The following MLANA variants were observed in gnomAD, a reference collection of about 807,000 sequenced individuals.
MLANA encodes the protein melanoma antigen recognized by T-cells 1.
Under a neutral mutation model 15.7 loss-of-function variants are expected in MLANA, and 21 were observed. The observed-to-expected ratio is 1.33, with a 90% confidence interval of 0.95 to 1.92. The LOEUF is 1.92. Ranked by LOEUF, MLANA falls within the 40% of genes most tolerant of loss-of-function variation. The probability of loss-of-function intolerance (pLI) is 0.00; values close to 1 mark genes in which losing one functional copy is unlikely to be tolerated. For synonymous variants in MLANA, 56 were observed against 51.5 expected, an observed-to-expected ratio of 1.09 and a Z score of -0.37; for missense variants, 164 against 143.8, an observed-to-expected ratio of 1.14 and a Z score of -0.72.
Position 5,897,600 on chromosome 9 carries a change from C to T in MLANA, c.121C>T (p.Leu41=), listed in dbSNP as rs1202622378. Residue 41 remains leucine (L), a synonymous_variant, in exon 3 of 5, where the codon CTG becomes TTG. Coordinates refer to ENST00000381477, the MANE Select transcript of MLANA (RefSeq NM_005511.2). ...GILTVILGVL[L]LIGCWYCRRR... is the part of the protein sequence containing the mutation. ...CCTGACAGTGATCCTGGGAGTCTTA[C>T]TGCTCATCGGCTGTTGGTATTGTAG... 6 of 1,614,150 alleles carry T rather than the reference C, an allele frequency of 3.7e-6. No individual in the cohort carries two copies. The highest frequency in any genetic ancestry group is 5.1e-6 in the Non-Finnish European group (6 of 1,179,958).
In MLANA at chr9:5,892,535, T is replaced by TA; in HGVS notation, c.62dup (p.Tyr21Ter). Residue 21 changes from tyrosine (Y) to a stop codon, truncating the protein, a stop_gained and frameshift_variant, in exon 2 of 5, where the codon TAC becomes TAAC. Coordinates refer to ENST00000381477, the MANE Select transcript of MLANA (RefSeq NM_005511.2). LOFTEE classifies it high-confidence loss of function. ...CCCCAAGAAGGGGCACGGCCACTCT[T>TA]ACACCACGGCTGAAGAGTAAGTTCA... ...GYPKKGHGHSYTTAEEAAGIG... is the reference protein window; with the variant it reads ...GYPKKGHGHS 6.2e-7 allele frequency: 1 copy of TA among 1,613,396 alleles called. No homozygotes were observed. Among genetic ancestry groups the TA allele is most frequent in the African/African-American group, 1.3e-5 (1 of 74,994 alleles).
intron 3 of MLANA, among the ~76,000 whole-genome samples, chr9:5,904,776 C>CTTT (rs538770905): frequency 7.8e-6 from 1 of 128,950 alleles, no homozygotes; most frequent in Non-Finnish European, 1.7e-5. Context: ...AGTTACACTT[C>CTTT]TTTTTTTTTT....
In MLANA at chr9:5,897,575, C is replaced by A; in HGVS notation, c.96C>A (p.Ile32=). ...GGGCCAGGGCCGCTGGGATCGGCAT[C>A]CTGACAGTGATCCTGGGAGTCTTAC... ...TTAEEAAGIG[I]LTVILGVLLL... is the part of the protein sequence containing the mutation. Residue 32 remains isoleucine, a synonymous_variant, in exon 3 of 5, where the codon ATC becomes ATA. Transcript: ENST00000381477. The A allele has an allele frequency of 1.2e-6, 2 of 1,614,136 alleles. No homozygotes were observed. Among genetic ancestry groups the A allele is most frequent in the Non-Finnish European group, 1.7e-6 (2 of 1,179,958 alleles).
chr9:5,909,726 C>G lies in MLANA; in HGVS notation c.*1018C>G, dbSNP rs1462784677. The G allele has an allele frequency of 6.6e-6, 1 of 152,142 alleles. No individual in the cohort carries two copies. Among genetic ancestry groups the G allele is most frequent in the Non-Finnish European group, 1.5e-5 (1 of 67,972 alleles). 9.4% of individuals were successfully genotyped at this position (152,142 alleles called of 1,614,324 possible). ...CTGCCTTAGTGCTGATGCCTGTGTA[C>G]TGCCTTAAATGTACCTATGGCAATT... On this transcript the variant is annotated 3_prime_UTR_variant, in exon 5 of 5. Coordinates refer to ENST00000381477, the MANE Select transcript of MLANA (RefSeq NM_005511.2).
chr9:5,897,187 C>T (rs183481300), intron 2 of MLANA, among the ~76,000 whole-genome samples: 14 of 152,258 alleles, frequency 9.2e-5, no homozygotes, highest in African/African-American at 3.4e-4. Context: ...TCTTTGTGGG[C>T]TGAGTTGGAG....
Position 5,909,864 on chromosome 9 carries a change from T to A in MLANA, c.*1156T>A, listed in dbSNP as rs965672554. ...TGCATAGCAACATTGCAATTTGTTT[T>A]CCTTTGGCTACATCAACGTATCACC... is the stretch of plus-strand genomic sequence containing the variant. On this transcript the variant is annotated 3_prime_UTR_variant, in exon 5 of 5. Coordinates refer to ENST00000381477, the MANE Select transcript of MLANA (RefSeq NM_005511.2). The A allele has an allele frequency of 6.6e-6, 1 of 152,196 alleles. No homozygotes were observed. Among genetic ancestry groups the A allele is most frequent in the African/African-American group, 2.4e-5 (1 of 41,446 alleles). The allele number at this position is 152,196 out of a possible 1,614,324, so 9.4% of individuals were successfully genotyped here. A position where few individuals can be genotyped will look rare whatever the true frequency, so the allele number is the denominator to read the frequency against.
intron 2 of MLANA, among the ~76,000 whole-genome samples, chr9:5,896,234 G>A (rs1184084858): frequency 6.6e-6 from 1 of 152,226 alleles, no homozygotes; most frequent in Non-Finnish European, 1.5e-5. Flanking sequence ...CGAGGACTGT[G>A]GTTAGGATGA....
Position 5,910,247 on chromosome 9 carries a change from C to T in MLANA, c.*1539C>T, listed in dbSNP as rs976560732. 6.6e-6 allele frequency: 1 copy of T among 152,170 alleles called. No individual in the cohort carries two copies. Among genetic ancestry groups the T allele is most frequent in the African/African-American group, 2.4e-5 (1 of 41,434 alleles). The allele number at this position is 152,170 out of a possible 1,614,324, so 9.4% of individuals were successfully genotyped here. On this transcript the variant is annotated 3_prime_UTR_variant, in exon 5 of 5. Transcript: ENST00000381477. ...AGTCAGTAAACCACCTAAAAATCAT[C>T]TTGTCTCATCAGAAACACTAGTGTA...
At chr9:5,901,491 T>G (rs1271186799) in intron 3 of MLANA, among the ~76,000 whole-genome samples, 1 of 152,212 alleles carries the variant, frequency 6.6e-6, no homozygotes, top group Non-Finnish European at 1.5e-5. Flanking sequence ...TCTTCTTTAG[T>G]CTATTGATGT....
chr9:5,906,322 T>A (rs1832806820), intron 3 of MLANA, among the ~76,000 whole-genome samples: 1 of 127,298 alleles, frequency 7.9e-6, no homozygotes, highest in Non-Finnish European at 1.7e-5. Context: ...AGAGTGAGAC[T>A]CTGTCTCAAA....
intron 3 of MLANA, among the ~76,000 whole-genome samples, chr9:5,903,291 C>G (rs1447650026): frequency 1.3e-5 from 2 of 152,144 alleles, no homozygotes; most frequent in African/African-American, 4.8e-5. Context: ...AAAGTGTATT[C>G]TGTTGTCGTT....
Position 5,906,886 on chromosome 9 carries a change from A to G in MLANA, c.176A>G (p.Asp59Gly). Residue 59 changes from aspartate (D) to glycine (G), a missense_variant and splice_region_variant, in exon 4 of 5, where the codon GAT becomes GGT. Coordinates refer to ENST00000381477, the MANE Select transcript of MLANA (RefSeq NM_005511.2). ...CACCTTTATCAATTTACATTTCAGG[A>G]TAAAAGTCTTCATGTTGGCACTCAA... ...RRRNGYRALM[D>G]KSLHVGTQCA... 1.9e-6 allele frequency: 3 copies of G among 1,569,882 alleles called. No individual in the cohort carries two copies. The highest frequency in any genetic ancestry group is 1.7e-4 in the Middle Eastern group (1 of 5,918).
At chr9:5,893,082 G>A (rs1831756735) in intron 2 of MLANA, among the ~76,000 whole-genome samples, 1 of 152,184 alleles carries the variant, frequency 6.6e-6, no homozygotes, top group Admixed American at 6.5e-5. Context: ...TTAAAAATAA[G>A]TATTTATATG....
chr9:5,893,028 G>C (rs1191776104), intron 2 of MLANA, among the ~76,000 whole-genome samples: 2 of 152,166 alleles, frequency 1.3e-5, no homozygotes, highest in Non-Finnish European at 2.9e-5. Context: ...AGCCTTTGCA[G>C]TATAACTTTA....
At chr9:5,900,862 T>C (rs544929330) in intron 3 of MLANA, among the ~76,000 whole-genome samples, 2 of 152,344 alleles carry the variant, frequency 1.3e-5, no homozygotes, top group East Asian at 1.9e-4. Flanking sequence ...CAAAATACTT[T>C]TGATTCTTGG....
At chr9:5,899,254 T>A (rs1832256025) in intron 3 of MLANA, 1 of 152,152 alleles carries the variant, frequency 6.6e-6, no homozygotes, top group Non-Finnish European at 1.5e-5. Context: ...GAGGAAAAGG[T>A]CCTGTGAAAG....
At chr9:5,905,990 AC>A (rs1395828229) in intron 3 of MLANA, among the ~76,000 whole-genome samples, 2 of 152,132 alleles carry the variant, frequency 1.3e-5, no homozygotes, top group Non-Finnish European at 1.5e-5. Flanking sequence ...ATATAAGCAT[AC>A]CTAATTAAAT....
intron 4 of MLANA, among the ~76,000 whole-genome samples, chr9:5,907,723 T>C (rs1256749648): frequency 1.3e-5 from 2 of 152,178 alleles, no homozygotes; most frequent in Non-Finnish European, 2.9e-5. Flanking sequence ...GAGGCCGAGG[T>C]GGGTGGATCA....
At position 5,908,771 on chromosome 9, in the gene MLANA, TAC is replaced by T; in HGVS notation, c.*65_*66del. On this transcript the variant is annotated 3_prime_UTR_variant, in exon 5 of 5. Coordinates refer to ENST00000381477, the MANE Select transcript of MLANA (RefSeq NM_005511.2). ...CTCTCACACTTTTGCTTGAATTTAA[TAC>T]AGACATCTAATGTTCTCCTTTGGAA... 6.9e-7 allele frequency: 1 copy of T among 1,439,044 alleles called. No individual in the cohort carries two copies. Among genetic ancestry groups the T allele is most frequent in the South Asian group, 1.1e-5 (1 of 87,120 alleles). The allele number at this position is 1,439,044 out of a possible 1,614,324, so 89.1% of individuals were successfully genotyped here.
Sources: gnomAD v4.1 joint callset for allele counts (sites outside exome capture counted in the v4.1 genomes callset) on GRCh38, gnomAD v4.1.1 for gene constraint, MANE v1.5 for transcripts, NCBI Gene and HGNC (gene_info 2026-07-23, HGNC 2026-07-21) for gene names.